USO1: variants seen among roughly 807,000 people sequenced by gnomAD.
The protein encoded by USO1 is USO1 vesicle transport factor, also known as general vesicular transport factor p115.
Under a neutral mutation model 124.5 loss-of-function variants are expected in USO1, and 57 were observed. The ratio of observed to expected loss-of-function variants is 0.46; its 90% CI spans 0.37 to 0.57. The LOEUF (loss-of-function observed/expected upper bound fraction) is 0.57. Among genes scored for constraint, USO1 ranks in the 20% least tolerant of loss-of-function variants. The pLI is 0.00. For synonymous variants in USO1, 369 were observed against 362.8 expected (o/e 1.02, Z -0.19); for missense variants, 900 against 1,040.6 (o/e 0.86, Z 1.86).
chr4:75,812,030 T>C, intron 22 of USO1, 130 bp from the exon 23 acceptor site: 1 of 1,380,280 alleles, frequency 7.2e-7, no homozygotes, highest in Non-Finnish European at 9.8e-7. Flanking sequence ...CCTGTACCCT[T>C]AACCTCCACC....
At chr4:75,763,981 A>G (rs1721694428) in intron 4 of USO1, among the ~76,000 whole-genome samples, 1 of 152,160 alleles carries the variant, frequency 6.6e-6, no homozygotes, top group Non-Finnish European at 1.5e-5. Flanking sequence ...ATACTTCATT[A>G]AAGTTCAGAA....
At chr4:75,756,924 T>C (rs1721462949) in intron 3 of USO1, among the ~76,000 whole-genome samples, 1 of 151,882 alleles carries the variant, frequency 6.6e-6, no homozygotes, top group Admixed American at 6.6e-5. Flanking sequence ...TTCGTTCCTC[T>C]AGATATGAAC....
At chr4:75,790,873 T>C in intron 12 of USO1, 76 bp downstream of exon 12, 3 of 1,422,750 alleles carry the variant, frequency 2.1e-6, no homozygotes, top group Non-Finnish European at 2.8e-6. Flanking sequence ...TTCTTTCTTT[T>C]TATGCTTTAG....
Position 75,800,167 on chromosome 4 carries a change from C to T in USO1, c.1564-184C>T, listed in dbSNP as rs181335494. 5.7e-3 allele frequency among the ~76,000 whole-genome samples: 864 copies of T among 152,092 alleles called. 15 individuals carry two copies. The highest frequency in any genetic ancestry group is 0.02 in the African/African-American group (809 of 41,484). On this transcript the variant is annotated intron_variant, in intron 14 of 23. Transcript: ENST00000514213. ...GGCCAGGCTGGTCTCAAACTCCTGACCTCAGGTGATCCACCCACCTTGGCC... is the reference window on the plus strand; with the variant it reads ...GGCCAGGCTGGTCTCAAACTCCTGATCTCAGGTGATCCACCCACCTTGGCC...
At chr4:75,760,143 C>T (rs1230830725) in intron 4 of USO1, among the ~76,000 whole-genome samples, 6 of 151,922 alleles carry the variant, frequency 3.9e-5, no homozygotes, top group African/African-American at 1.5e-4. Flanking sequence ...ACCCGGGAGG[C>T]GGAGGTTGCA....
rs759853147 is a variant in USO1 at position 75,800,464 on chromosome 4, C to T, written c.1677C>T (p.Tyr559=). Residue 559 remains tyrosine, a synonymous_variant, in exon 15 of 24, where the codon TAC becomes TAT. Transcript: ENST00000514213. ...TCAATGATAACTCACTTGAGAGCTA[C>T]ATGAAGTAAGTAAGGGGAAGATGGT... ...IYFNDNSLES[Y]MKEKLKQLIE... The T allele has an allele frequency of 1.9e-6, 3 of 1,582,182 alleles. No homozygotes were observed. The highest frequency in any genetic ancestry group is 2.3e-5 in the South Asian group (2 of 87,384).
At chr4:75,807,307 CTCTTT>C (rs1251697854) in intron 20 of USO1, among the ~76,000 whole-genome samples, 1 of 151,870 alleles carries the variant, frequency 6.6e-6, no homozygotes, top group African/African-American at 2.4e-5. Flanking sequence ...CTTTCCTCCT[CTCTTT>C]TCTTCTCTCT....
chr4:75,747,575 A>G (rs1300457498), intron 1 of USO1, among the ~76,000 whole-genome samples: 1 of 149,894 alleles, frequency 6.7e-6, no homozygotes, highest in African/African-American at 2.5e-5. Flanking sequence ...ATTCTCAGCC[A>G]TAAGTTGTTC....
chr4:75,782,036 A>G (rs1375457830), intron 8 of USO1, among the ~76,000 whole-genome samples: 3 of 152,192 alleles, frequency 2.0e-5, no homozygotes, highest in African/African-American at 4.8e-5. Flanking sequence ...GGATAAAACC[A>G]TGGAGGACAG....
At chr4:75,759,416 A>G (rs1721537197) in intron 4 of USO1, among the ~76,000 whole-genome samples, 1 of 151,310 alleles carries the variant, frequency 6.6e-6, no homozygotes. Context: ...CAACATGGTG[A>G]AACCTTGTCT....
rs975819393 is a variant in USO1, at chr4:75,734,324, G to A, written c.66+9439G>A. Among the ~76,000 whole-genome samples the A allele has an allele frequency of 2.6e-5, 4 of 152,028 alleles. No homozygotes were observed. The South Asian group carries it at 8.3e-4, about 32-fold the overall frequency. The stretch of plus-strand genomic sequence containing the variant: ...AGTTAATTTTTGTATATGGTAAAAG[G>A]TAAGGGCCCAGTTTCATTCTTCTGC... On this transcript the variant is annotated intron_variant, in intron 1 of 23. Coordinates refer to ENST00000514213, the MANE Select transcript of USO1 (RefSeq NM_003715.4).
intron 13 of USO1, chr4:75,795,292 A>G (rs1012758010): frequency 1.4e-6 from 1 of 700,022 alleles, no homozygotes; most frequent in African/African-American, 1.8e-5. Context: ...AGACTTTTCT[A>G]AAGTAGTAAT....
intron 4 of USO1, among the ~76,000 whole-genome samples, chr4:75,761,976 A>G (rs1721620164): frequency 6.6e-6 from 1 of 152,122 alleles, no homozygotes; most frequent in Non-Finnish European, 1.5e-5. Flanking sequence ...AGTAAAGATC[A>G]GTAGTTGTTT....
chr4:75,750,984 T>TC (rs1264233824), intron 1 of USO1, among the ~76,000 whole-genome samples: 2 of 152,130 alleles, frequency 1.3e-5, no homozygotes, highest in African/African-American at 2.4e-5. Flanking sequence ...TTGCTTTTTT[T>TC]CATCTCATTA....
chr4:75,750,609 G>T (rs1462429442), intron 1 of USO1, among the ~76,000 whole-genome samples: 1 of 151,860 alleles, frequency 6.6e-6, no homozygotes, highest in Non-Finnish European at 1.5e-5. Flanking sequence ...TCAGCTTCCC[G>T]AGTAGCTGGG....
intron 17 of USO1, 106 bp from the exon 18 acceptor site, chr4:75,804,028 C>T: frequency 5.6e-6 from 8 of 1,435,638 alleles, no homozygotes; most frequent in Non-Finnish European, 7.4e-6. Flanking sequence ...GTGTTAAGCA[C>T]TTTAGCATAC....
At position 75,806,473 on chromosome 4, in the gene USO1, G is replaced by A. The variant is rs201073085; in HGVS notation, c.2290-13G>A. The stretch of plus-strand genomic sequence containing the variant: ...TGAATATATTTTATAGTTTATTTTT[G>A]TGCTATTTGCAGAAATCTTCCCAAA... On this transcript the variant is annotated splice_polypyrimidine_tract_variant and intron_variant, in intron 19 of 23. Coordinates refer to ENST00000514213, the MANE Select transcript of USO1 (RefSeq NM_003715.4). 36 of 1,551,196 alleles carry A rather than the reference G, an allele frequency of 2.3e-5. No homozygotes were observed. The highest frequency in any genetic ancestry group is 3.1e-5 in the Non-Finnish European group (36 of 1,146,908).
At chr4:75,725,774 G>T (rs1415700952) in intron 1 of USO1, among the ~76,000 whole-genome samples, 1 of 152,098 alleles carries the variant, frequency 6.6e-6, no homozygotes, top group Non-Finnish European at 1.5e-5. Context: ...AAGAATTTTA[G>T]ATCTACATAA....
At chr4:75,724,971 A>T (rs1560428949) in intron 1 of USO1, 86 bp downstream of exon 1, 1 of 1,473,434 alleles carries the variant, frequency 6.8e-7, no homozygotes, top group Non-Finnish European at 9.3e-7. Context: ...GGTCACCTCC[A>T]GCGTCCCACC....
Sources: allele counts gnomAD v4.1 joint callset (sites outside exome capture counted in the v4.1 genomes callset), GRCh38; gene constraint gnomAD v4.1.1; transcripts MANE v1.5; gene names NCBI Gene and HGNC (gene_info 2026-07-23, HGNC 2026-07-21).